Variants in IGSF21 observed in about 807,000 individuals in gnomAD.
IGSF21 encodes immunoglobulin superfamily member 21.
IGSF21 carries 28 observed loss-of-function variants against 46.8 expected under a neutral mutation model. That is an observed-to-expected ratio of 0.60 (90% CI 0.44 to 0.82). IGSF21 has a LOEUF of 0.82. Among genes scored for constraint, IGSF21 ranks in the 40% least tolerant of loss-of-function variants. The pLI is 0.00. For synonymous variants in IGSF21, 284 were observed against 273.6 expected (o/e 1.04, Z -0.38); for missense variants, 624 against 665.5 (o/e 0.94, Z 0.69).
chr1:18,131,086 A>G (rs1385060803), intron 1 of IGSF21, among the ~76,000 whole-genome samples: 1 of 152,182 alleles, frequency 6.6e-6, no homozygotes, highest in Admixed American at 6.5e-5. Flanking sequence ...GGGAGGAGAG[A>G]ATGGAGCTCC....
intron 3 of IGSF21, among the ~76,000 whole-genome samples, chr1:18,300,258 T>C (rs2085348410): frequency 6.6e-6 from 1 of 151,792 alleles, no homozygotes; most frequent in Non-Finnish European, 1.5e-5. Flanking sequence ...TGGAATTCAT[T>C]TGCTAAAAAG....
At chr1:18,191,691 A>G (rs968935316) in intron 1 of IGSF21, among the ~76,000 whole-genome samples, 1 of 151,806 alleles carries the variant, frequency 6.6e-6, no homozygotes, top group African/African-American at 2.4e-5. Context: ...GTCATTTTGG[A>G]TGCTTTTGTG....
chr1:18,332,238 G>A (rs374589038), intron 3 of IGSF21, among the ~76,000 whole-genome samples: 4 of 152,268 alleles, frequency 2.6e-5, no homozygotes, highest in South Asian at 2.1e-4. Flanking sequence ...TTACCTGCAC[G>A]TATCTGCCTG....
At chr1:18,293,324 G>A (rs567388989) in intron 3 of IGSF21, among the ~76,000 whole-genome samples, 15 of 152,308 alleles carry the variant, frequency 9.8e-5, no homozygotes, top group African/African-American at 1.4e-4. Flanking sequence ...ATTAGAAAGC[G>A]GGACAAGAAG....
At chr1:18,320,317 T>A (rs1453406744) in intron 3 of IGSF21, among the ~76,000 whole-genome samples, 1 of 150,138 alleles carries the variant, frequency 6.7e-6, no homozygotes, top group African/African-American at 2.4e-5. Flanking sequence ...CTTCCCCGCC[T>A]TCAGCACCAC....
intron 2 of IGSF21, among the ~76,000 whole-genome samples, chr1:18,241,727 C>T (rs748156662): frequency 6.6e-6 from 1 of 152,144 alleles, no homozygotes; most frequent in African/African-American, 2.4e-5. Flanking sequence ...TGTAGCGGTG[C>T]GTTCAGGTCA....
chr1:18,161,690 A>G (rs2086624817), intron 1 of IGSF21, among the ~76,000 whole-genome samples: 1 of 152,218 alleles, frequency 6.6e-6, no homozygotes, highest in African/African-American at 2.4e-5. Context: ...CACATGTTTG[A>G]AAGGAAAACA....
chr1:18,212,068 C>T (rs972862743), intron 1 of IGSF21, among the ~76,000 whole-genome samples: 3 of 152,156 alleles, frequency 2.0e-5, no homozygotes, highest in South Asian at 2.1e-4. Context: ...GGTGGAGGGG[C>T]GCAGAGAAGT....
Position 18,227,922 on chromosome 1 carries a change from C to T in IGSF21, c.95C>T (p.Pro32Leu), listed in dbSNP as rs147900515. 1.4e-5 allele frequency: 22 copies of T among 1,613,898 alleles called. No individual in the cohort carries two copies. The highest frequency in any genetic ancestry group is 1.6e-5 in the Non-Finnish European group (19 of 1,179,922). The change falls in exon 2 of 10, where the codon CCT becomes CTT. Residue 32 changes from proline (P) to leucine (L), a missense_variant. Transcript: ENST00000251296. Reference sequence around the variant, plus strand: ...GGCTACCTGACAGTCAACATTGAGCCTCTCCCCCCTGTGGTGGCTGGAGAC... The same window carrying T: ...GGCTACCTGACAGTCAACATTGAGCTTCTCCCCCCTGTGGTGGCTGGAGAC... ...ARGYLTVNIEPLPPVVAGDAV... is the reference protein window; with the variant it reads ...ARGYLTVNIELLPPVVAGDAV...
intron 1 of IGSF21, among the ~76,000 whole-genome samples, chr1:18,147,508 C>T (rs1570267746): frequency 1.3e-5 from 2 of 152,132 alleles, no homozygotes; most frequent in Non-Finnish European, 2.9e-5. Context: ...CCTTCCCTGA[C>T]ACCACCCCAT....
chr1:18,173,270 A>G (rs2086759154), intron 1 of IGSF21, among the ~76,000 whole-genome samples: 2 of 152,260 alleles, frequency 1.3e-5, no homozygotes, highest in South Asian at 2.1e-4. Flanking sequence ...CCTCAGCGAC[A>G]GGCAAGACTC....
chr1:18,230,440 TTGAC>T (rs1229255321), intron 2 of IGSF21, among the ~76,000 whole-genome samples: 9 of 152,258 alleles, frequency 5.9e-5, no homozygotes, highest in East Asian at 1.9e-4. Flanking sequence ...TTCACATCCT[TTGAC>T]TGAGGGCCTC....
intron 3 of IGSF21, among the ~76,000 whole-genome samples, chr1:18,312,322 C>A (rs1264242343): frequency 6.6e-6 from 1 of 152,168 alleles, no homozygotes; most frequent in Non-Finnish European, 1.5e-5. Context: ...TGAGATAGGT[C>A]GTGCTTAGCT....
intron 1 of IGSF21, among the ~76,000 whole-genome samples, chr1:18,178,747 C>T (rs1018978281): frequency 1.3e-5 from 2 of 152,176 alleles, no homozygotes; most frequent in Admixed American, 6.5e-5. Context: ...TGTCATCCCC[C>T]CTTCCCCTTC....
chr1:18,249,182 C>A (rs2084812986), intron 2 of IGSF21, among the ~76,000 whole-genome samples: 1 of 152,108 alleles, frequency 6.6e-6, no homozygotes, highest in Non-Finnish European at 1.5e-5. Flanking sequence ...CAAAGGGGAG[C>A]CATTCTTCTT....
intron 3 of IGSF21, among the ~76,000 whole-genome samples, chr1:18,310,809 G>A (rs781459029): frequency 6.6e-6 from 1 of 152,162 alleles, no homozygotes; most frequent in Non-Finnish European, 1.5e-5. Context: ...GTCATGCCTT[G>A]CCTCTCCTCA....
intron 1 of IGSF21, among the ~76,000 whole-genome samples, chr1:18,212,395 A>G (rs1005405837): frequency 3.9e-5 from 6 of 152,176 alleles, no homozygotes; most frequent in Non-Finnish European, 8.8e-5. Context: ...CAATTCTCCT[A>G]CAAGCAATGA....
At chr1:18,287,084 G>A (rs1283383897) in intron 2 of IGSF21, among the ~76,000 whole-genome samples, 1 of 151,022 alleles carries the variant, frequency 6.6e-6, no homozygotes, top group Non-Finnish European at 1.5e-5. Context: ...GGGAGGCTGA[G>A]GCAGGAGAAT....
intron 1 of IGSF21, among the ~76,000 whole-genome samples, chr1:18,182,998 G>A (rs890224260): frequency 1.3e-5 from 2 of 152,188 alleles, no homozygotes; most frequent in Non-Finnish European, 2.9e-5. Flanking sequence ...TTCACCCGCT[G>A]CAAACTGGCT....
Sources: gnomAD v4.1 joint callset for allele counts (sites outside exome capture counted in the v4.1 genomes callset) on GRCh38, gnomAD v4.1.1 for gene constraint, MANE v1.5 for transcripts, NCBI Gene and HGNC (gene_info 2026-07-23, HGNC 2026-07-21) for gene names.